Variants in ERC2 observed in about 807,000 individuals in gnomAD.
The protein encoded by ERC2 is ERC protein 2.
Under a neutral mutation model 114.8 loss-of-function variants are expected in ERC2, and 42 were observed. The ratio of observed to expected loss-of-function variants is 0.37; its 90% confidence interval spans 0.29 to 0.47. The LOEUF (loss-of-function observed/expected upper bound fraction) is 0.47, where lower values mean the gene tolerates loss of function less well. Ranked by LOEUF, ERC2 falls within the 20% of genes least tolerant of loss-of-function variation. The probability of loss-of-function intolerance (pLI) is 0.99; values close to 1 mark genes in which losing one functional copy is unlikely to be tolerated. For missense variants in ERC2, 939 were observed against 1,150.7 expected, an observed-to-expected ratio of 0.82 and a Z score of 2.66; for synonymous variants, 454 against 425.5, an observed-to-expected ratio of 1.07 and a Z score of -0.82.
chr3:56,124,702 A>G (rs2079777032), intron 6 of ERC2, among the ~76,000 whole-genome samples: 1 of 152,254 alleles, frequency 6.6e-6, no homozygotes, highest in Non-Finnish European at 1.5e-5. Flanking sequence ...GCTAAGGCAC[A>G]GCAGACAAAA....
At chr3:56,105,082 A>G (rs1319545859) in intron 6 of ERC2, among the ~76,000 whole-genome samples, 1 of 151,778 alleles carries the variant, frequency 6.6e-6, no homozygotes, top group Non-Finnish European at 1.5e-5. Context: ...AGGTAGAGGG[A>G]AGAGCCAGCA....
chr3:56,229,862 CTTTTTTTTT>C (rs34357962), intron 3 of ERC2, among the ~76,000 whole-genome samples: 6 of 56,628 alleles, frequency 1.1e-4, no homozygotes, highest in Non-Finnish European at 1.9e-4. Context: ...AATATCTAGT[CTTTTTTTTT>C]TTTTTTTTTT....
chr3:55,776,467 C>T (rs899314992), intron 14 of ERC2, among the ~76,000 whole-genome samples: 11 of 152,108 alleles, frequency 7.2e-5, no homozygotes, highest in African/African-American at 1.9e-4. Flanking sequence ...TGAGTGGAGA[C>T]GATGGGACTA....
rs530607682 is a variant in ERC2 at position 55,570,423 on chromosome 3, T to G, written c.*40-59147A>C. ...CTTATCTCCATGGTTGGAGTTTTCC[T>G]CTTGCTGATGTGACAAAGTAACCTG... On this transcript the variant is annotated intron_variant, in intron 17 of 17. Coordinates refer to ENST00000288221, the MANE Select transcript of ERC2 (RefSeq NM_015576.3). Among the ~76,000 whole-genome samples, 3 of 152,276 alleles carry G rather than the reference T, an allele frequency of 2.0e-5. No homozygotes were observed. In the South Asian group the frequency reaches 6.2e-4, roughly 32 times the overall value.
chr3:56,390,677 A>C (rs572844486), intron 2 of ERC2, among the ~76,000 whole-genome samples: 1 of 152,234 alleles, frequency 6.6e-6, no homozygotes, highest in Non-Finnish European at 1.5e-5. Context: ...TTTCAGTAGC[A>C]AGAAGATTCT....
intron 2 of ERC2, among the ~76,000 whole-genome samples, chr3:56,396,773 G>A (rs1323342251): frequency 4.6e-5 from 7 of 151,970 alleles, no homozygotes; most frequent in Admixed American, 1.3e-4. Context: ...AAAGGAGAAC[G>A]GTCCCTTCCC....
At chr3:55,755,897 G>T (rs2067024901) in intron 14 of ERC2, among the ~76,000 whole-genome samples, 1 of 152,030 alleles carries the variant, frequency 6.6e-6, no homozygotes, top group African/African-American at 2.4e-5. Flanking sequence ...TTGAAACCCA[G>T]CCCAAACCTA....
At chr3:55,571,205 CG>C (rs2056694971) in intron 17 of ERC2, among the ~76,000 whole-genome samples, 1 of 150,078 alleles carries the variant, frequency 6.7e-6, no homozygotes, top group Non-Finnish European at 1.5e-5. Flanking sequence ...TGACAAGAAT[CG>C]GGTCTGTTTT....
intron 2 of ERC2, among the ~76,000 whole-genome samples, chr3:56,419,515 A>G (rs542967019): frequency 6.6e-6 from 1 of 152,346 alleles, no homozygotes; most frequent in East Asian, 1.9e-4. Context: ...TGAATGCAGT[A>G]CAGTCCATCA....
chr3:55,815,142 T>C (rs1407796288), intron 14 of ERC2, among the ~76,000 whole-genome samples: 1 of 152,212 alleles, frequency 6.6e-6, no homozygotes, highest in African/African-American at 2.4e-5. Context: ...TAATGCTTAT[T>C]GAACAATTAC....
intron 3 of ERC2, among the ~76,000 whole-genome samples, chr3:56,222,549 G>A (rs932615010): frequency 9.9e-5 from 15 of 152,112 alleles, no homozygotes; most frequent in African/African-American, 2.4e-4. Context: ...GTGCTCTTGC[G>A]TACCACTGCC....
chr3:56,001,687 C>G (rs2072075644), intron 10 of ERC2, among the ~76,000 whole-genome samples: 1 of 152,050 alleles, frequency 6.6e-6, no homozygotes, highest in Non-Finnish European at 1.5e-5. Flanking sequence ...TTCTTTGGTC[C>G]TACCTATCCT....
At chr3:55,840,757 A>G (rs2061096556) in intron 14 of ERC2, among the ~76,000 whole-genome samples, 1 of 152,160 alleles carries the variant, frequency 6.6e-6, no homozygotes, top group Non-Finnish European at 1.5e-5. Context: ...GAACAGACAA[A>G]TGATATGCCA....
chr3:55,767,055 G>A lies in ERC2; in HGVS notation c.2565-32137C>T, dbSNP rs187435893. Among the ~76,000 whole-genome samples, 22 of 152,298 alleles carry A rather than the reference G, an allele frequency of 1.4e-4. No individual in the cohort carries two copies. The East Asian group carries it at 4.1e-3, about 28-fold the overall frequency. On this transcript the variant is annotated intron_variant, in intron 14 of 17. Coordinates refer to ENST00000288221, the MANE Select transcript of ERC2 (RefSeq NM_015576.3). ...GAGTGCTTACTGTGTGCCAGGTCCT[G>A]TAACGGGCATCAGTGATAAAATGGT...
At chr3:56,017,810 A>AT (rs1293803750) in intron 8 of ERC2, among the ~76,000 whole-genome samples, 1 of 152,030 alleles carries the variant, frequency 6.6e-6, no homozygotes, top group African/African-American at 2.4e-5. Flanking sequence ...TAGAGCCAGG[A>AT]TTTTCACCCA....
At chr3:56,302,265 C>T (rs1284681576) in intron 2 of ERC2, among the ~76,000 whole-genome samples, 2 of 152,114 alleles carry the variant, frequency 1.3e-5, no homozygotes, top group Non-Finnish European at 2.9e-5. Flanking sequence ...GGTAACTGTA[C>T]ACTTTGACTA....
chr3:56,009,607 A>G (rs1345676306), intron 9 of ERC2, among the ~76,000 whole-genome samples: 1 of 152,212 alleles, frequency 6.6e-6, no homozygotes, highest in Admixed American at 6.5e-5. Context: ...GAAGATGGAC[A>G]GTTACAGCAG....
intron 3 of ERC2, among the ~76,000 whole-genome samples, chr3:56,225,634 C>A (rs1025060277): frequency 1.3e-5 from 2 of 152,176 alleles, no homozygotes; most frequent in African/African-American, 4.8e-5. Flanking sequence ...CAACCCAAAC[C>A]GAAATCCTAA....
At chr3:56,250,610 A>G (rs954095633) in intron 3 of ERC2, among the ~76,000 whole-genome samples, 1 of 152,144 alleles carries the variant, frequency 6.6e-6, no homozygotes, top group African/African-American at 2.4e-5. Context: ...CACTCCACAT[A>G]CGCACACATA....
Sources: allele counts gnomAD v4.1 joint callset (sites outside exome capture counted in the v4.1 genomes callset), GRCh38; gene constraint gnomAD v4.1.1; transcripts MANE v1.5; gene names NCBI Gene and HGNC (gene_info 2026-07-23, HGNC 2026-07-21).